The following ZNF541 variants were observed in gnomAD, a reference collection of about 807,000 sequenced individuals.
ZNF541 encodes the protein zinc finger protein 541.
A neutral mutation model predicts 123.5 loss-of-function variants in ZNF541; 23 were observed. That is an observed-to-expected ratio of 0.19 (90% confidence interval 0.13 to 0.26). The LOEUF is 0.26. Ranked by LOEUF, ZNF541 falls within the 10% of genes least tolerant of loss-of-function variation. The pLI is 1.00. For synonymous variants in ZNF541, 751 were observed against 754.5 expected (o/e 1.00, Z 0.08); for missense variants, 1,612 against 1,789.9 (o/e 0.90, Z 1.79).
chr19:47,524,297 G>A (rs565053157), intron 14 of ZNF541, among the ~76,000 whole-genome samples: 16 of 152,286 alleles, frequency 1.1e-4, no homozygotes, highest in African/African-American at 3.9e-4. Flanking sequence ...AGGATAACAC[G>A]GCACATCAGG....
chr19:47,529,453 C>A, intron 13 of ZNF541, 124 bp downstream of exon 13: 1 of 950,624 alleles, frequency 1.1e-6, no homozygotes, highest in Non-Finnish European at 1.6e-6. Flanking sequence ...GACAGGCCCT[C>A]CTGAAAGGCA....
At chr19:47,553,668 T>C (rs1466267555) in intron 3 of ZNF541, among the ~76,000 whole-genome samples, 1 of 152,032 alleles carries the variant, frequency 6.6e-6, no homozygotes, top group Non-Finnish European at 1.5e-5. Context: ...CCTCCCAAAG[T>C]GCTGGGATTA....
In ZNF541 at chr19:47,538,197, G is replaced by C; in HGVS notation, c.3039C>G (p.Thr1013=). The change falls in exon 9 of 17, where the codon ACC becomes ACG. Residue 1013 remains threonine, a synonymous_variant. Coordinates refer to ENST00000391901, the MANE Select transcript of ZNF541 (RefSeq NM_001277075.3). ...TGGCCTGAGTGGACGTGGAACAGAG[G>C]GTGTTGAAGTACACCCCAGAGCCCT... ...IREGSGVYFN[T]LCSTSTQASP... The C allele has an allele frequency of 6.4e-7, 1 of 1,551,548 alleles. No homozygotes were observed. The highest frequency in any genetic ancestry group is 8.7e-7 in the Non-Finnish European group (1 of 1,146,992).
In ZNF541 at chr19:47,520,966, GA is replaced by G; in HGVS notation, c.*257del. 1 of 457,486 alleles carries G rather than the reference GA, an allele frequency of 2.2e-6. No homozygotes were observed. The highest frequency in any genetic ancestry group is 3.9e-6 in the Non-Finnish European group (1 of 254,264). 28.3% of individuals were successfully genotyped at this position (457,486 alleles called of 1,614,324 possible). A position where few individuals can be genotyped will look rare whatever the true frequency, so the allele number is the denominator to read the frequency against. On this transcript the variant is annotated 3_prime_UTR_variant, in exon 17 of 17. Coordinates refer to ENST00000391901, the MANE Select transcript of ZNF541 (RefSeq NM_001277075.3). ...CCCAAGCCTCCCTGCTCTAGAAGTGGAAGGGAAAGAAGGGGAGAGACTATGA... is the reference window on the plus strand; with the variant it reads ...CCCAAGCCTCCCTGCTCTAGAAGTGGAGGGAAAGAAGGGGAGAGACTATGA...
intron 2 of ZNF541, among the ~76,000 whole-genome samples, chr19:47,562,442 G>T (rs1971104215): frequency 6.6e-6 from 1 of 151,746 alleles, no homozygotes; most frequent in Non-Finnish European, 1.5e-5. Context: ...TACTCAGGAA[G>T]CTGAGGCAGG....
At chr19:47,551,745 G>T (rs185947607) in intron 3 of ZNF541, among the ~76,000 whole-genome samples, 6 of 152,136 alleles carry the variant, frequency 3.9e-5, no homozygotes, top group Non-Finnish European at 7.4e-5. Flanking sequence ...TGTTGCCCAG[G>T]TTAGTCTCAA....
rs1568500628 is a variant in ZNF541, at chr19:47,544,953, T to TCTGGGCCTC, written c.1567_1575dup (p.Glu523_Gln525dup). The TCTGGGCCTC allele has an allele frequency of 6.5e-7, 1 of 1,534,822 alleles. No homozygotes were observed. Among genetic ancestry groups the TCTGGGCCTC allele is most frequent in the South Asian group, 1.2e-5 (1 of 84,006 alleles). On this transcript the variant is annotated inframe_insertion, in exon 5 of 17. Transcript: ENST00000391901. ...GCATCCGCAGGGAGCCCGCCTGCCT[T>TCTGGGCCTC]CTGGGCCTCCTGGAGGCCGGGCTCC...
intron 2 of ZNF541, among the ~76,000 whole-genome samples, chr19:47,566,011 T>C (rs1305757673): frequency 6.6e-6 from 1 of 152,008 alleles, no homozygotes; most frequent in African/African-American, 2.4e-5. Flanking sequence ...ACCCCGTCTC[T>C]ACTAAAAATA....
intron 14 of ZNF541, among the ~76,000 whole-genome samples, chr19:47,525,855 G>A (rs1236938712): frequency 1.4e-5 from 2 of 146,916 alleles, no homozygotes; most frequent in Non-Finnish European, 3.0e-5. Context: ...GGCGTAGCTT[G>A]CAGTGAGCCA....
chr19:47,526,377 G>A (rs1969295141), intron 14 of ZNF541, among the ~76,000 whole-genome samples: 1 of 151,012 alleles, frequency 6.6e-6, no homozygotes. Flanking sequence ...AGCTACTCAG[G>A]AAGCTAAGGC....
intron 5 of ZNF541, among the ~76,000 whole-genome samples, chr19:47,542,486 T>C (rs1970123135): frequency 6.6e-6 from 1 of 151,978 alleles, no homozygotes; most frequent in Non-Finnish European, 1.5e-5. Context: ...ACCCTGGCTC[T>C]ACTAAAAATA....
chr19:47,541,425 A>AT (rs1421539694), intron 5 of ZNF541, among the ~76,000 whole-genome samples: 1 of 152,018 alleles, frequency 6.6e-6, no homozygotes, highest in Non-Finnish European at 1.5e-5. Context: ...AAAAAAAAAT[A>AT]AAAAATAAAA....
intron 11 of ZNF541, 82 bp downstream of exon 11, chr19:47,532,046 T>C: frequency 6.6e-7 from 1 of 1,508,794 alleles, no homozygotes; most frequent in South Asian, 1.3e-5. Flanking sequence ...CGGTCAGGAG[T>C]TCCAGACCTA....
chr19:47,554,409 C>T (rs926102775), intron 3 of ZNF541, among the ~76,000 whole-genome samples: 5 of 151,936 alleles, frequency 3.3e-5, no homozygotes, highest in East Asian at 1.9e-4. Flanking sequence ...CCAGCCTGGG[C>T]GACAGAGCGA....
rs1382921764 is a variant in ZNF541, at chr19:47,545,720, G to A, written c.809C>T (p.Pro270Leu). ...PEARSPGSLLPHRDLLRRIVS... is the reference protein window; with the variant it reads ...PEARSPGSLLLHRDLLRRIVS... The stretch of plus-strand genomic sequence containing the variant: ...GATGCGGCGCAGGAGGTCCCGGTGG[G>A]GCAGGAGGGAGCCGGGGGACCTGGC... Residue 270 changes from proline to leucine, a missense_variant, in exon 5 of 17, where the codon CCC becomes CTC. Transcript: ENST00000391901. The surrounding 1 kb of genome is among the most constrained non-coding windows in gnomAD (Gnocchi z 7.5). 52 of 1,546,586 alleles carry A rather than the reference G, an allele frequency of 3.4e-5. No individual in the cohort carries two copies. The highest frequency in any genetic ancestry group is 4.0e-5 in the Non-Finnish European group (46 of 1,146,700).
At chr19:47,549,911 A>T (rs1427386544) in intron 3 of ZNF541, among the ~76,000 whole-genome samples, 2 of 152,184 alleles carry the variant, frequency 1.3e-5, no homozygotes, top group African/African-American at 2.4e-5. Flanking sequence ...TCTAGCTGCA[A>T]GGGAGTAAAC....
Position 47,544,278 on chromosome 19 carries a change from C to T in ZNF541, c.2251G>A (p.Ala751Thr), listed in dbSNP as rs1970210335. Residue 751 changes from alanine to threonine, a missense_variant, in exon 5 of 17, where the codon GCC becomes ACC. Physicochemically the swap from Ala to Thr is moderately conservative, Grantham distance 58. Coordinates refer to ENST00000391901, the MANE Select transcript of ZNF541 (RefSeq NM_001277075.3). ...TTCCGGAAGCCGGAGAATCGCGGGG[C>T]CCTGGGGTTGCCCAAGAGCCGGTAG... ...GGYRLLGNPR[A>T]PRFSGFRKEK... 1.3e-6 allele frequency: 2 copies of T among 1,551,442 alleles called. No homozygotes were observed. The highest frequency in any genetic ancestry group is 1.4e-5 in the African/African-American group (1 of 73,054).
chr19:47,571,576 T>G (rs1328816594), intron 2 of ZNF541, among the ~76,000 whole-genome samples: 1 of 152,200 alleles, frequency 6.6e-6, no homozygotes, highest in African/African-American at 2.4e-5. Context: ...AATCTTTGCT[T>G]CACGACAATC....
chr19:47,525,937 A>C (rs1969273881), intron 14 of ZNF541, among the ~76,000 whole-genome samples: 1 of 151,862 alleles, frequency 6.6e-6, no homozygotes, highest in Non-Finnish European at 1.5e-5. Context: ...AAAAAAAAAA[A>C]AAAACTTCTA....
Sources: allele counts gnomAD v4.1 joint callset (sites outside exome capture counted in the v4.1 genomes callset), GRCh38; gene constraint gnomAD v4.1.1; non-coding constraint Gnocchi (gnomAD v3.1); transcripts MANE v1.5; gene names NCBI Gene and HGNC (gene_info 2026-07-23, HGNC 2026-07-21).